FSTL4: variants seen among roughly 807,000 people sequenced by gnomAD.
The protein encoded by FSTL4 is follistatin like 4.
FSTL4 carries 28 observed loss-of-function variants against 78.2 expected under a neutral mutation model. The ratio of observed to expected loss-of-function variants is 0.36; its 90% CI spans 0.27 to 0.49. The LOEUF (loss-of-function observed/expected upper bound fraction) is 0.49, where lower values mean the gene tolerates loss of function less well. Among genes scored for constraint, FSTL4 ranks in the 20% least tolerant of loss-of-function variants. FSTL4 has a pLI of 0.98. For synonymous variants in FSTL4, 422 were observed against 440.5 expected, an observed-to-expected ratio of 0.96 and a Z score of 0.53; for missense variants, 922 against 1,084.9, an observed-to-expected ratio of 0.85 and a Z score of 2.11.
chr5:133,800,434 G>A, the FSTL4 span, among the ~76,000 whole-genome samples: 1 of 138,722 alleles, frequency 7.2e-6, no homozygotes, highest in Non-Finnish European at 1.6e-5. Flanking sequence ...TAGCTGATGA[G>A]CTTTAAAAAA....
At chr5:133,542,292 G>A (rs993854010) in intron 3 of FSTL4, among the ~76,000 whole-genome samples, 12 of 152,262 alleles carry the variant, frequency 7.9e-5, no homozygotes, top group African/African-American at 2.2e-4. Context: ...AATACATCAA[G>A]AGACTTCTAG....
the FSTL4 span, among the ~76,000 whole-genome samples, chr5:133,698,747 A>G: frequency 6.6e-6 from 1 of 152,216 alleles, no homozygotes; most frequent in Non-Finnish European, 1.5e-5. Flanking sequence ...CTCCTTGAGA[A>G]TCTGGAGCTC....
At chr5:133,226,887 C>T (rs1423688287) in intron 8 of FSTL4, among the ~76,000 whole-genome samples, 1 of 146,684 alleles carries the variant, frequency 6.8e-6, no homozygotes, top group East Asian at 2.1e-4. Flanking sequence ...GATCCCGGGA[C>T]CTGAGTGGGG....
intron 8 of FSTL4, among the ~76,000 whole-genome samples, chr5:133,230,957 G>A (rs1255245763): frequency 1.3e-5 from 2 of 152,076 alleles, no homozygotes; most frequent in Non-Finnish European, 2.9e-5. Context: ...GTGGCTTCAG[G>A]GGCGGCCCCT....
chr5:133,366,089 C>T (rs184555632), intron 4 of FSTL4, among the ~76,000 whole-genome samples: 1 of 152,320 alleles, frequency 6.6e-6, no homozygotes, highest in Admixed American at 6.5e-5. Context: ...CATCTCCTAC[C>T]ACCCTCTCAC....
intron 4 of FSTL4, among the ~76,000 whole-genome samples, chr5:133,347,474 G>A (rs1406825655): frequency 6.6e-6 from 1 of 152,182 alleles, no homozygotes; most frequent in Non-Finnish European, 1.5e-5. Flanking sequence ...AGCCTCCTGA[G>A]TAGCTGGGAC....
chr5:133,795,101 T>C, the FSTL4 span, among the ~76,000 whole-genome samples: 3 of 152,284 alleles, frequency 2.0e-5, no homozygotes, highest in African/African-American at 7.2e-5. Context: ...CTGCAGGTGA[T>C]TGGGGATGGG....
the FSTL4 span, among the ~76,000 whole-genome samples, chr5:133,619,912 G>A: frequency 6.6e-6 from 1 of 152,082 alleles, no homozygotes; most frequent in Non-Finnish European, 1.5e-5. Context: ...CATATTAAAT[G>A]TTATCTTCTA....
At chr5:133,238,057 G>A (rs1265080868) in intron 7 of FSTL4, among the ~76,000 whole-genome samples, 2 of 152,194 alleles carry the variant, frequency 1.3e-5, no homozygotes, top group Non-Finnish European at 2.9e-5. Flanking sequence ...ACAATTAAAT[G>A]AGACTTAAGT....
At chr5:133,607,208 T>C (rs917243927) in intron 1 of FSTL4, among the ~76,000 whole-genome samples, 9 of 152,222 alleles carry the variant, frequency 5.9e-5, no homozygotes, top group African/African-American at 1.9e-4. Flanking sequence ...CATTTTATAC[T>C]TAACGGTGAT....
At chr5:133,623,709 C>A in the FSTL4 span, among the ~76,000 whole-genome samples, 12 of 151,990 alleles carry the variant, frequency 7.9e-5, no homozygotes, top group African/African-American at 2.7e-4. Context: ...AAAAAGACAA[C>A]CCACAGACTA....
intron 3 of FSTL4, among the ~76,000 whole-genome samples, chr5:133,454,539 G>C (rs1308349579): frequency 6.6e-6 from 1 of 152,218 alleles, no homozygotes; most frequent in Non-Finnish European, 1.5e-5. Flanking sequence ...GTGGCAGATG[G>C]CTGCCTGGAC....
the FSTL4 span, among the ~76,000 whole-genome samples, chr5:133,751,063 C>T: frequency 2.4e-4 from 37 of 151,972 alleles, no homozygotes; most frequent in Non-Finnish European, 4.1e-4. Flanking sequence ...CGCCACCCTA[C>T]GTGCACCCCA....
intron 4 of FSTL4, among the ~76,000 whole-genome samples, chr5:133,375,151 G>C (rs1755398609): frequency 6.6e-6 from 1 of 151,142 alleles, no homozygotes; most frequent in African/African-American, 2.4e-5. Flanking sequence ...GGGATTCTCT[G>C]CACTTTCCCT....
At position 133,573,870 on chromosome 5, in the gene FSTL4, T is replaced by G. The variant is rs73788157; in HGVS notation, c.127-6651A>C. Among the ~76,000 whole-genome samples the G allele has an allele frequency of 5.2e-3, 793 of 152,360 alleles. 7 individuals carry two copies. Among genetic ancestry groups the G allele is most frequent in the African/African-American group, 0.018 (762 of 41,588 alleles). On this transcript the variant is annotated intron_variant, in intron 2 of 15. Transcript: ENST00000265342. ...AACCTCATGGAAAAAATGTTGGACG[T>G]ATCTTAGAACATACATAAAAATCAT...
chr5:133,318,447 T>C (rs2126894330), intron 4 of FSTL4, among the ~76,000 whole-genome samples: 1 of 152,296 alleles, frequency 6.6e-6, no homozygotes, highest in East Asian at 1.9e-4. Flanking sequence ...CCTCACTCCC[T>C]GAAAGAGGCT....
At chr5:133,692,810 C>T in the FSTL4 span, among the ~76,000 whole-genome samples, 1 of 152,180 alleles carries the variant, frequency 6.6e-6, no homozygotes, top group Non-Finnish European at 1.5e-5. Flanking sequence ...CAATGACTTC[C>T]TACTCAACCT....
chr5:133,742,392 G>A, the FSTL4 span, among the ~76,000 whole-genome samples: 1 of 152,128 alleles, frequency 6.6e-6, no homozygotes, highest in Non-Finnish European at 1.5e-5. Flanking sequence ...TATACAGAGA[G>A]AGAAAAAAAT....
intron 4 of FSTL4, among the ~76,000 whole-genome samples, chr5:133,370,136 C>T (rs1018273667): frequency 6.6e-6 from 1 of 152,186 alleles, no homozygotes; most frequent in African/African-American, 2.4e-5. Flanking sequence ...AGCCCCACAA[C>T]CTTCATCTTC....
Sources: gnomAD v4.1 joint callset for allele counts (sites outside exome capture counted in the v4.1 genomes callset) on GRCh38, gnomAD v4.1.1 for gene constraint, MANE v1.5 for transcripts, NCBI Gene and HGNC (gene_info 2026-07-23, HGNC 2026-07-21) for gene names.